Variants in MGAT5 observed in about 807,000 individuals in gnomAD.
MGAT5 encodes the protein alpha-1,6-mannosylglycoprotein 6-beta-N-acetylglucosaminyltransferase.
MGAT5 carries 30 observed loss-of-function variants against 94.3 expected under a neutral mutation model. That is an observed-to-expected ratio of 0.32 (90% CI 0.24 to 0.43). The LOEUF is 0.43. Among genes scored for constraint, MGAT5 ranks in the 20% least tolerant of loss-of-function variants. The probability of loss-of-function intolerance (pLI) is 1.00; values close to 1 mark genes in which losing one functional copy is unlikely to be tolerated. For missense variants in MGAT5, 691 were observed against 905.5 expected, an observed-to-expected ratio of 0.76 and a Z score of 3.04; for synonymous variants, 310 against 322.9, an observed-to-expected ratio of 0.96 and a Z score of 0.43.
chr2:134,361,248 T>C (rs533650216), intron 9 of MGAT5, among the ~76,000 whole-genome samples: 52 of 152,326 alleles, frequency 3.4e-4, no homozygotes, highest in African/African-American at 1.1e-3. Context: ...TTCAGAATCT[T>C]GTGTATATCT....
intron 1 of MGAT5, among the ~76,000 whole-genome samples, chr2:134,152,250 C>T (rs1357818222): frequency 5.5e-5 from 7 of 127,136 alleles, no homozygotes; most frequent in East Asian, 3.9e-4. Context: ...CCATGGGACC[C>T]GCTTACCACC....
At chr2:134,438,455 T>C (rs1685295537) in intron 14 of MGAT5, among the ~76,000 whole-genome samples, 2 of 152,202 alleles carry the variant, frequency 1.3e-5, no homozygotes, top group Non-Finnish European at 2.9e-5. Context: ...CATCAGTAAC[T>C]CCATTGATCA....
chr2:134,215,506 G>A (rs62165730), intron 1 of MGAT5, among the ~76,000 whole-genome samples: 2,400 of 152,256 alleles, frequency 0.016, 32 homozygotes, highest in Non-Finnish European at 0.027. Context: ...TGTGGAGAGG[G>A]ACCAAACATG....
At chr2:134,122,253 C>T (rs1482689056) in intron 1 of MGAT5, among the ~76,000 whole-genome samples, 6 of 152,038 alleles carry the variant, frequency 3.9e-5, no homozygotes, top group African/African-American at 4.8e-5. Context: ...TACAGGCGCC[C>T]GTCACCACAC....
At chr2:134,348,482 C>T (rs1034694817) in intron 8 of MGAT5, among the ~76,000 whole-genome samples, 2 of 152,148 alleles carry the variant, frequency 1.3e-5, no homozygotes, top group African/African-American at 4.8e-5. Context: ...AAAACTAGCA[C>T]ACAGAAATGA....
intron 10 of MGAT5, among the ~76,000 whole-genome samples, chr2:134,366,699 A>T (rs1573930453): frequency 6.6e-6 from 1 of 152,178 alleles, no homozygotes; most frequent in African/African-American, 2.4e-5. Flanking sequence ...CATACCTGGG[A>T]TGAGACGGAG....
At chr2:134,289,914 C>T (rs1296632857) in intron 2 of MGAT5, among the ~76,000 whole-genome samples, 1 of 152,160 alleles carries the variant, frequency 6.6e-6, no homozygotes, top group Non-Finnish European at 1.5e-5. Flanking sequence ...TTTTTCCTTT[C>T]CTGATTTTTG....
chr2:134,143,658 T>C (rs990102913), intron 1 of MGAT5, among the ~76,000 whole-genome samples: 1 of 152,016 alleles, frequency 6.6e-6, no homozygotes, highest in Non-Finnish European at 1.5e-5. Context: ...GCTGGAATGG[T>C]TGGCTGAGGA....
intron 11 of MGAT5, among the ~76,000 whole-genome samples, chr2:134,412,245 G>T (rs1683712415): frequency 6.6e-6 from 1 of 152,110 alleles, no homozygotes; most frequent in Non-Finnish European, 1.5e-5. Context: ...CAGCTGCCTT[G>T]CAGATTCAGC....
At chr2:134,278,020 GA>G (rs1197564630) in intron 2 of MGAT5, among the ~76,000 whole-genome samples, 7 of 152,172 alleles carry the variant, frequency 4.6e-5, no homozygotes, top group African/African-American at 1.4e-4. Flanking sequence ...CATGTCATTT[GA>G]AAGTTTGTGG....
chr2:134,428,296 C>A (rs1684696900), intron 13 of MGAT5, 69 bp from the exon 14 acceptor site: 3 of 1,432,314 alleles, frequency 2.1e-6, no homozygotes, highest in Non-Finnish European at 2.9e-6. Context: ...TTGAGTGAGT[C>A]GGAGGACTGA....
chr2:134,336,172 C>A (rs1688320538), intron 4 of MGAT5, 45 bp from the exon 5 acceptor site: 2 of 1,486,406 alleles, frequency 1.3e-6, no homozygotes, highest in East Asian at 2.3e-5. Context: ...TATATTAATT[C>A]ATTATAGATG....
intron 1 of MGAT5, among the ~76,000 whole-genome samples, chr2:134,145,263 C>T (rs115518616): frequency 0.017 from 2,560 of 146,504 alleles, 82 homozygotes; most frequent in African/African-American, 0.065. Flanking sequence ...ACCTGGAATG[C>T]GGGCTGGGCG....
At chr2:134,251,447 A>G (rs1249831376), upstream of MGAT5, among the ~76,000 whole-genome samples, 1 of 152,204 alleles carries the variant, frequency 6.6e-6, no homozygotes, top group Admixed American at 6.5e-5. Flanking sequence ...CCTAGGCGAC[A>G]TATTCATTTA....
In MGAT5 at chr2:134,387,301, GATATATATATATATAT is replaced by G. The variant is rs1553458949; in HGVS notation, c.1381-15670_1381-15655del. ...AAATAAAAAATAAAAAGTTATGTAT[GATATATATATATATAT>G]ATATATATATATATATTTTTTTTTT... On this transcript the variant is annotated intron_variant, in intron 10 of 15. Coordinates refer to ENST00000281923, the MANE Select transcript of MGAT5 (RefSeq NM_002410.5). Among the ~76,000 whole-genome samples the G allele has an allele frequency of 3.1e-4, 13 of 42,606 alleles. 1 individual carries two copies. Among genetic ancestry groups the G allele is most frequent in the East Asian group, 2.9e-3 (3 of 1,048 alleles). 28.0% of individuals were successfully genotyped at this position (42,606 alleles called of 152,430 possible). A position where few individuals can be genotyped will look rare whatever the true frequency, so the allele number is the denominator to read the frequency against.
chr2:134,307,997 A>G (rs555706500), intron 2 of MGAT5, among the ~76,000 whole-genome samples: 1 of 152,288 alleles, frequency 6.6e-6, no homozygotes, highest in East Asian at 1.9e-4. Context: ...AAATGTGCAG[A>G]TAGGGCTAGG....
chr2:134,135,421 C>T (rs1230254216), intron 1 of MGAT5, among the ~76,000 whole-genome samples: 1 of 152,012 alleles, frequency 6.6e-6, no homozygotes, highest in Non-Finnish European at 1.5e-5. Flanking sequence ...CAGCCTGGTG[C>T]GGTGGCTCAC....
intron 1 of MGAT5, among the ~76,000 whole-genome samples, chr2:134,227,469 C>T (rs796419353): frequency 7.2e-5 from 11 of 152,294 alleles, no homozygotes; most frequent in African/African-American, 2.4e-4. Context: ...ACTTTTTACT[C>T]ATTCACTGCA....
At chr2:134,384,778 C>T (rs1373761112) in intron 10 of MGAT5, among the ~76,000 whole-genome samples, 3 of 152,126 alleles carry the variant, frequency 2.0e-5, no homozygotes, top group Non-Finnish European at 4.4e-5. Flanking sequence ...CATTTTTGAA[C>T]AACAGCAGTT....
Sources: allele counts gnomAD v4.1 joint callset (sites outside exome capture counted in the v4.1 genomes callset), GRCh38; gene constraint gnomAD v4.1.1; transcripts MANE v1.5; gene names NCBI Gene and HGNC (gene_info 2026-07-23, HGNC 2026-07-21).